Variants in RFWD3 observed in about 807,000 individuals in gnomAD.
RFWD3 encodes the protein E3 ubiquitin-protein ligase RFWD3.
Under a neutral mutation model 87.7 loss-of-function variants are expected in RFWD3, and 65 were observed. The observed-to-expected ratio is 0.74, with a 90% confidence interval of 0.61 to 0.91. The LOEUF (loss-of-function observed/expected upper bound fraction) is 0.91. RFWD3 is among the 40% of genes least tolerant of loss of function. The pLI, the probability that RFWD3 is intolerant of heterozygous loss-of-function variation, is 0.00. For missense variants in RFWD3, 1,078 were observed against 938.5 expected (o/e 1.15, Z -1.94); for synonymous variants, 433 against 352.8 (o/e 1.23, Z -2.55).
chr16:74,624,821 A>G (rs6564152), intron 12 of RFWD3, among the ~76,000 whole-genome samples: 1 of 151,340 alleles, frequency 6.6e-6, no homozygotes, highest in African/African-American at 2.4e-5. Flanking sequence ...TACAGCAAGA[A>G]TCCAATCTCT....
chr16:74,666,220 A>AGATAGATAGATAGATAGATTGATT (rs1195587029), intron 1 of RFWD3: 1 of 142,954 alleles, frequency 7.0e-6, no homozygotes, highest in African/African-American at 2.6e-5. Flanking sequence ...ATAGATAGAT[A>AGATAGATAGATAGATAGATTGATT]GATTGATTAG....
chr16:74,652,216 C>A (rs1960624789), intron 2 of RFWD3, 94 bp from the exon 3 acceptor site: 1 of 1,157,576 alleles, frequency 8.6e-7, no homozygotes, highest in East Asian at 2.5e-5. Context: ...ATCACTTCAA[C>A]CCATCTCCAG....
intron 3 of RFWD3, among the ~76,000 whole-genome samples, chr16:74,651,096 T>G (rs1322178475): frequency 6.6e-6 from 1 of 152,178 alleles, no homozygotes; most frequent in Non-Finnish European, 1.5e-5. Flanking sequence ...TTTCATTGAT[T>G]TATTATATTT....
chr16:74,625,110 G>T (rs560919433), intron 12 of RFWD3, among the ~76,000 whole-genome samples: 2 of 151,198 alleles, frequency 1.3e-5, no homozygotes, highest in African/African-American at 4.9e-5. Flanking sequence ...TGAAGCACAA[G>T]AATCACTTGA....
At chr16:74,632,214 C>T (rs2144075818) in intron 9 of RFWD3, among the ~76,000 whole-genome samples, 1 of 151,906 alleles carries the variant, frequency 6.6e-6, no homozygotes, top group South Asian at 2.1e-4. Context: ...CACAGTGAAA[C>T]CCCGTCTCTA....
intron 6 of RFWD3, among the ~76,000 whole-genome samples, chr16:74,640,249 G>A (rs571964890): frequency 1.1e-3 from 170 of 151,472 alleles, no homozygotes; most frequent in Non-Finnish European, 2.0e-3. Flanking sequence ...GAGTTCAAGC[G>A]ATTCTTCTGA....
intron 2 of RFWD3, among the ~76,000 whole-genome samples, chr16:74,660,440 G>A (rs1361737131): frequency 6.6e-6 from 1 of 152,180 alleles, no homozygotes; most frequent in Non-Finnish European, 1.5e-5. Flanking sequence ...ACGACAGAGT[G>A]AGACGCTGTC....
intron 6 of RFWD3, among the ~76,000 whole-genome samples, chr16:74,642,526 G>T (rs903071882): frequency 2.7e-5 from 4 of 149,732 alleles, no homozygotes; most frequent in African/African-American, 4.9e-5. Flanking sequence ...TTTGAGACAG[G>T]TTCTTACTCT....
chr16:74,647,703 T>C (rs1960261265), intron 4 of RFWD3, among the ~76,000 whole-genome samples: 1 of 152,210 alleles, frequency 6.6e-6, no homozygotes, highest in Non-Finnish European at 1.5e-5. Context: ...GCGATTCTCC[T>C]ATCTCAGCCT....
At chr16:74,655,113 C>A (rs1960862501) in intron 2 of RFWD3, among the ~76,000 whole-genome samples, 1 of 151,754 alleles carries the variant, frequency 6.6e-6, no homozygotes, top group South Asian at 2.1e-4. Flanking sequence ...AGATGAAACA[C>A]CCCTCTATTG....
intron 4 of RFWD3, among the ~76,000 whole-genome samples, chr16:74,648,092 A>G (rs1304340526): frequency 6.6e-6 from 1 of 152,140 alleles, no homozygotes; most frequent in Non-Finnish European, 1.5e-5. Context: ...CTATAGGCGC[A>G]TGCCACCACA....
intron 1 of RFWD3, among the ~76,000 whole-genome samples, chr16:74,665,603 A>C (rs1409976511): frequency 2.6e-5 from 4 of 152,076 alleles, no homozygotes; most frequent in African/African-American, 9.7e-5. Flanking sequence ...AAAGAAAAAT[A>C]AAACAATGAG....
chr16:74,628,432 G>C lies in RFWD3; in HGVS notation c.1969+20C>G. On this transcript the variant is annotated intron_variant, in intron 11 of 12. Transcript: ENST00000361070. ...CACTGTGCTCCCAAATAAGCTATGG[G>C]AGACCCCAGCACTACTTACCAGGCC... 1 of 1,610,652 alleles carries C rather than the reference G, an allele frequency of 6.2e-7. No homozygotes were observed. The highest frequency in any genetic ancestry group is 1.3e-5 in the African/African-American group (1 of 74,926).
intron 11 of RFWD3, among the ~76,000 whole-genome samples, 194 bp downstream of exon 11, chr16:74,628,258 C>T (rs989939516): frequency 2.1e-4 from 32 of 152,154 alleles, no homozygotes; most frequent in Non-Finnish European, 7.4e-5. Context: ...AGTCCTCACA[C>T]GTAAGGAGCA....
chr16:74,639,184 C>G (rs1209700478), intron 6 of RFWD3, among the ~76,000 whole-genome samples: 2 of 151,944 alleles, frequency 1.3e-5, no homozygotes, highest in African/African-American at 2.4e-5. Context: ...ATGACCGGCA[C>G]CTGCCAACAC....
chr16:74,657,478 C>CTTTTTTTT (rs386385075), intron 2 of RFWD3, among the ~76,000 whole-genome samples: 13 of 122,710 alleles, frequency 1.1e-4, no homozygotes, highest in South Asian at 5.0e-4. Context: ...TTTTCTTTTT[C>CTTTTTTTT]TTTTTTTTTT....
At chr16:74,656,474 A>T (rs751877082) in intron 2 of RFWD3, among the ~76,000 whole-genome samples, 5 of 151,894 alleles carry the variant, frequency 3.3e-5, no homozygotes, top group Non-Finnish European at 5.9e-5. Context: ...CCTTGAAATG[A>T]TCCACCATTC....
intron 7 of RFWD3, among the ~76,000 whole-genome samples, chr16:74,637,463 C>T (rs1016678151): frequency 2.0e-5 from 3 of 152,208 alleles, no homozygotes; most frequent in Non-Finnish European, 2.9e-5. Context: ...CCTGTCTCTA[C>T]TAAAAGTACA....
chr16:74,626,598 C>A (rs1449639913), intron 11 of RFWD3, 44 bp from the exon 12 acceptor site: 1 of 1,539,208 alleles, frequency 6.5e-7, no homozygotes, highest in Admixed American at 1.8e-5. Flanking sequence ...GGACGCTACA[C>A]AAAAAATTAA....
Sources: allele counts gnomAD v4.1 joint callset (sites outside exome capture counted in the v4.1 genomes callset), GRCh38; gene constraint gnomAD v4.1.1; transcripts MANE v1.5; gene names NCBI Gene and HGNC (gene_info 2026-07-23, HGNC 2026-07-21).